ARHGAP28: variants seen among roughly 807,000 people sequenced by gnomAD.
The protein encoded by ARHGAP28 is Rho GTPase activating protein 28, also known as rho GTPase-activating protein 28.
A neutral mutation model predicts 90.7 loss-of-function variants in ARHGAP28; 56 were observed. The ratio of observed to expected loss-of-function variants is 0.62; its 90% CI spans 0.50 to 0.77. The LOEUF (loss-of-function observed/expected upper bound fraction) is 0.77. Ranked by LOEUF, ARHGAP28 falls within the 30% of genes least tolerant of loss-of-function variation. The pLI is 0.00. For synonymous variants in ARHGAP28, 308 were observed against 323.3 expected (o/e 0.95, Z 0.51); for missense variants, 869 against 900.9 (o/e 0.96, Z 0.45).
At chr18:6,785,992 A>G (rs1031572666) in intron 1 of ARHGAP28, among the ~76,000 whole-genome samples, 2 of 152,216 alleles carry the variant, frequency 1.3e-5, no homozygotes, top group African/African-American at 4.8e-5. Context: ...GTTTCTTCAT[A>G]TGGGTTGACA....
chr18:6,855,542 T>C (rs1260335775), intron 4 of ARHGAP28, among the ~76,000 whole-genome samples: 3 of 152,178 alleles, frequency 2.0e-5, no homozygotes, highest in African/African-American at 7.2e-5. Context: ...CCATTGTCCG[T>C]GTACCTCATT....
At chr18:6,751,080 T>A (rs535442613) in intron 1 of ARHGAP28, among the ~76,000 whole-genome samples, 10 of 152,186 alleles carry the variant, frequency 6.6e-5, no homozygotes, top group South Asian at 6.2e-4. Flanking sequence ...ATCTTTCTGA[T>A]CTCAGTACCT....
chr18:6,835,001 A>T (rs1198137357), intron 2 of ARHGAP28, among the ~76,000 whole-genome samples: 1 of 152,206 alleles, frequency 6.6e-6, no homozygotes, highest in African/African-American at 2.4e-5. Context: ...AGATATATGG[A>T]ACTGAAATTC....
chr18:6,864,576 G>A (rs963944487), intron 5 of ARHGAP28, among the ~76,000 whole-genome samples: 6 of 151,922 alleles, frequency 3.9e-5, no homozygotes, highest in African/African-American at 1.5e-4. Context: ...TATCTGTGAT[G>A]GTAAATATTA....
At position 6,915,603 on chromosome 18, in the gene ARHGAP28, CT is replaced by C. The variant is rs2057418452; in HGVS notation, c.*3452del. Reference sequence around the variant, plus strand: ...ACTAGAAAACGCCAATGTTTTATGTCTTTGCCCATCTCAAAAGCTAATATTG... The same window carrying C: ...ACTAGAAAACGCCAATGTTTTATGTCTTGCCCATCTCAAAAGCTAATATTG... On this transcript the variant is annotated 3_prime_UTR_variant, in exon 18 of 18. Coordinates refer to ENST00000383472, the MANE Select transcript of ARHGAP28 (RefSeq NM_001366230.1). 1 of 152,158 alleles carries C rather than the reference CT, an allele frequency of 6.6e-6. No homozygotes were observed. Among genetic ancestry groups the C allele is most frequent in the Non-Finnish European group, 1.5e-5 (1 of 68,034 alleles). 9.4% of individuals were successfully genotyped at this position (152,158 alleles called of 1,614,324 possible). A position where few individuals can be genotyped will look rare whatever the true frequency, so the allele number is the denominator to read the frequency against.
At chr18:6,760,124 A>ACG (rs951047766) in intron 1 of ARHGAP28, among the ~76,000 whole-genome samples, 15 of 151,982 alleles carry the variant, frequency 9.9e-5, no homozygotes, top group Non-Finnish European at 1.6e-4. Context: ...ACACACACAC[A>ACG]CACAAACTAC....
chr18:6,737,591 T>A (rs73380727), intron 1 of ARHGAP28, among the ~76,000 whole-genome samples: 1 of 152,138 alleles, frequency 6.6e-6, no homozygotes. Flanking sequence ...AGCATTTATT[T>A]TGGTTTCTTT....
rs1274270319 is a variant in ARHGAP28, at chr18:6,730,217, A to ATG, written c.122+278_122+279dup. 4.0e-5 allele frequency: 5 copies of ATG among 123,830 alleles called. 1 individual carries two copies. The highest frequency in any genetic ancestry group is 1.4e-4 in the African/African-American group (4 of 28,620). 7.7% of individuals were successfully genotyped at this position (123,830 alleles called of 1,614,324 possible). A position where few individuals can be genotyped will look rare whatever the true frequency, so the allele number is the denominator to read the frequency against. ...TCTTGATACGATTTGAGGATAAGTC[A>ATG]TGTGTATATATATATATATACCTCA... On this transcript the variant is annotated intron_variant, in intron 1 of 17. Transcript: ENST00000383472.
intron 1 of ARHGAP28, among the ~76,000 whole-genome samples, chr18:6,815,370 GCCTTT>G (rs971376778): frequency 6.6e-5 from 10 of 152,126 alleles, no homozygotes; most frequent in African/African-American, 2.2e-4. Flanking sequence ...GAAAATTTTT[GCCTTT>G]CCTTAAGAAT....
rs531971989 is a variant in ARHGAP28, at chr18:6,734,036, A to G, written c.122+4093A>G. On this transcript the variant is annotated intron_variant, in intron 1 of 17. Transcript: ENST00000383472. ...CATGCAGCAAAGAGACTCACAAGTC[A>G]TAAGTATTTGTTGGGAGGAAGAGAA... Among the ~76,000 whole-genome samples, 8 of 152,376 alleles carry G rather than the reference A, an allele frequency of 5.3e-5. No homozygotes were observed. In the East Asian group the frequency reaches 1.3e-3, roughly 26 times the overall value.
chr18:6,793,654 C>T (rs1371731643), intron 1 of ARHGAP28, among the ~76,000 whole-genome samples: 6 of 152,036 alleles, frequency 3.9e-5, no homozygotes, highest in African/African-American at 7.2e-5. Flanking sequence ...TGCTTCTTGG[C>T]AGTGACGTTT....
rs552144154 is a variant in ARHGAP28 at position 6,839,218 on chromosome 18, G to C, written c.543+1804G>C. ...ATACTTCTTAACAATCTTTTTGAAA[G>C]TCTTCAGGGACTTTCTACTTGAGAA... On this transcript the variant is annotated intron_variant, in intron 3 of 17. Coordinates refer to ENST00000383472, the MANE Select transcript of ARHGAP28 (RefSeq NM_001366230.1). 2.0e-5 allele frequency among the ~76,000 whole-genome samples: 3 copies of C among 151,902 alleles called. No individual in the cohort carries two copies. The South Asian group carries it at 6.2e-4, about 32-fold the overall frequency.
At position 6,729,935 on chromosome 18, in the gene ARHGAP28, G is replaced by A. The variant is rs1217567439; in HGVS notation, c.114G>A (p.Pro38=). 41 of 1,379,810 alleles carry A rather than the reference G, an allele frequency of 3.0e-5. 1 individual carries two copies. The highest frequency in any genetic ancestry group is 3.6e-5 in the Non-Finnish European group (39 of 1,070,852). The allele number at this position is 1,379,810 out of a possible 1,614,324, so 85.5% of individuals were successfully genotyped here. Residue 38 remains proline (P), a synonymous_variant, in exon 1 of 18, where the codon CCG becomes CCA. Transcript: ENST00000383472. The part of the protein sequence containing the change: ...RCAPRAAASH[P]LSRKSIPRCR... ...CGCCCCGCGCCGCAGCCAGCCACCC[G>A]CTCAGCAGGTACCCGGAGCCGCTCC...
intron 13 of ARHGAP28, 61 bp downstream of exon 13, chr18:6,890,146 C>T: frequency 1.3e-6 from 2 of 1,576,658 alleles, no homozygotes; most frequent in Admixed American, 1.7e-5. Context: ...AAACATAAAG[C>T]CTCCATGATT....
chr18:6,806,016 C>A (rs536524706), intron 1 of ARHGAP28, among the ~76,000 whole-genome samples: 4 of 152,192 alleles, frequency 2.6e-5, no homozygotes, highest in Non-Finnish European at 2.9e-5. Context: ...TCCCAAGTAG[C>A]TGGGACTACA....
chr18:6,901,948 C>T (rs2057340719), intron 16 of ARHGAP28, among the ~76,000 whole-genome samples: 1 of 152,184 alleles, frequency 6.6e-6, no homozygotes, highest in Non-Finnish European at 1.5e-5. Flanking sequence ...GCAATCTTGG[C>T]ATTCCATGGC....
chr18:6,864,369 A>C (rs1171905715), intron 5 of ARHGAP28, among the ~76,000 whole-genome samples: 1 of 152,126 alleles, frequency 6.6e-6, no homozygotes, highest in Admixed American at 6.6e-5. Flanking sequence ...GGGCCTGTTT[A>C]ATTTTTTAAT....
chr18:6,842,859 T>A (rs2056837980), intron 3 of ARHGAP28, among the ~76,000 whole-genome samples: 1 of 152,124 alleles, frequency 6.6e-6, no homozygotes, highest in Non-Finnish European at 1.5e-5. Flanking sequence ...TAAATATATA[T>A]ACCTACCATG....
chr18:6,742,169 C>A (rs908075077), intron 1 of ARHGAP28, among the ~76,000 whole-genome samples: 1 of 138,748 alleles, frequency 7.2e-6, no homozygotes. Context: ...TTTTCTTTTT[C>A]TTTTTTTTTT....
Sources: gnomAD v4.1 joint callset for allele counts (sites outside exome capture counted in the v4.1 genomes callset) on GRCh38, gnomAD v4.1.1 for gene constraint, MANE v1.5 for transcripts, NCBI Gene and HGNC (gene_info 2026-07-23, HGNC 2026-07-21) for gene names.